Variants in MCF2L2 observed in about 807,000 individuals in gnomAD.
The protein encoded by MCF2L2 is MCF.2 cell line derived transforming sequence-like 2, also known as probable guanine nucleotide exchange factor MCF2L2.
A neutral mutation model predicts 150.2 loss-of-function variants in MCF2L2; 102 were observed. The observed-to-expected ratio is 0.68, with a 90% CI of 0.58 to 0.80. The LOEUF (loss-of-function observed/expected upper bound fraction) is 0.80, where lower values mean the gene tolerates loss of function less well. Ranked by LOEUF, MCF2L2 falls within the 30% of genes least tolerant of loss-of-function variation. MCF2L2 has a pLI of 0.00. For synonymous variants in MCF2L2, 465 were observed against 491.3 expected (o/e 0.95, Z 0.71); for missense variants, 1,256 against 1,372.8 (o/e 0.91, Z 1.34).
intron 27 of MCF2L2, 199 bp from the exon 28 acceptor site, chr3:183,180,358 G>C (rs1385167430): frequency 1.9e-6 from 1 of 518,638 alleles, no homozygotes; most frequent in Non-Finnish European, 3.4e-6. Flanking sequence ...CCGAGATGCC[G>C]TAATTCACCG....
chr3:183,266,491 T>TC (rs1726133369), intron 15 of MCF2L2, among the ~76,000 whole-genome samples: 1 of 152,226 alleles, frequency 6.6e-6, no homozygotes, highest in African/African-American at 2.4e-5. Flanking sequence ...TTACCTTGCT[T>TC]TAAGCCTCCA....
At chr3:183,228,031 A>ACACACACACACACACACG (rs1340923192) in intron 18 of MCF2L2, 6 of 415,066 alleles carry the variant, frequency 1.4e-5, no homozygotes, top group Admixed American at 7.6e-5. Context: ...ATACATATAC[A>ACACACACACACACACACG]CACACACACA....
In MCF2L2 at chr3:183,361,016, A is replaced by G. The variant is rs1194748616; in HGVS notation, c.275+18281T>C. 1.3e-3 allele frequency among the ~76,000 whole-genome samples: 190 copies of G among 141,134 alleles called. 11 individuals carry two copies. Among genetic ancestry groups the G allele is most frequent in the East Asian group, 0.012 (57 of 4,572 alleles). The allele number at this position is 141,134 out of a possible 152,430, so 92.6% of individuals were successfully genotyped here. On this transcript the variant is annotated intron_variant, in intron 3 of 29. Coordinates refer to ENST00000328913, the MANE Select transcript of MCF2L2 (RefSeq NM_015078.4). ...AAGAAAAGAAAAGAAAAGAAAAGAA[A>G]AGAAAAGAGAAAAGAAAAGGAAGAA...
Position 183,319,530 on chromosome 3 carries a change from C to T in MCF2L2, c.604-1313G>A, listed in dbSNP as rs575569483. ...TGCAATTTGCTCTACTGACACCCAT[C>T]AGAGGAATCACTATCTATGGCAGGT... On this transcript the variant is annotated intron_variant, in intron 6 of 29. Coordinates refer to ENST00000328913, the MANE Select transcript of MCF2L2 (RefSeq NM_015078.4). 5.4e-5 allele frequency among the ~76,000 whole-genome samples: 8 copies of T among 146,968 alleles called. No homozygotes were observed. The South Asian group carries it at 1.7e-3, about 30-fold the overall frequency.
chr3:183,228,227 T>C, intron 18 of MCF2L2, 70 bp downstream of exon 18: 1 of 1,154,222 alleles, frequency 8.7e-7, no homozygotes, highest in South Asian at 1.3e-5. Context: ...TTTCCATTTG[T>C]CCTTGCCACT....
intron 27 of MCF2L2, among the ~76,000 whole-genome samples, chr3:183,183,773 G>T (rs1721605371): frequency 6.6e-6 from 1 of 152,092 alleles, no homozygotes; most frequent in Non-Finnish European, 1.5e-5. Flanking sequence ...TAAAGAGAGG[G>T]TCTCAAAACA....
chr3:183,330,311 A>T (rs986683862), intron 5 of MCF2L2, among the ~76,000 whole-genome samples: 1 of 151,780 alleles, frequency 6.6e-6, no homozygotes, highest in Non-Finnish European at 1.5e-5. Flanking sequence ...GAAAGGAAAA[A>T]CTTTTTTTAA....
intron 19 of MCF2L2, 148 bp from the exon 20 acceptor site, chr3:183,223,586 T>G: frequency 1.6e-6 from 1 of 627,002 alleles, no homozygotes; most frequent in Non-Finnish European, 2.9e-6. Context: ...TGTGGGGTTG[T>G]TCTTTCCCCT....
At chr3:183,326,040 A>C (rs1730010187) in intron 5 of MCF2L2, among the ~76,000 whole-genome samples, 1 of 152,204 alleles carries the variant, frequency 6.6e-6, no homozygotes, top group Non-Finnish European at 1.5e-5. Context: ...AAAAAAGTTG[A>C]ATGAGTCACA....
At position 183,392,997 on chromosome 3, in the gene MCF2L2, G is replaced by A. The variant is rs1220848692; in HGVS notation, c.77-3218C>T. On this transcript the variant is annotated intron_variant, in intron 1 of 29. Coordinates refer to ENST00000328913, the MANE Select transcript of MCF2L2 (RefSeq NM_015078.4). ...CTGCCACCTTCTAGATAGGTGATCA[G>A]GGCAAGTACACTCTGAGTCTCAGTG... is the stretch of plus-strand genomic sequence containing the variant. Among the ~76,000 whole-genome samples, 4 of 152,136 alleles carry A rather than the reference G, an allele frequency of 2.6e-5. No homozygotes were observed. The East Asian group carries it at 7.7e-4, about 29-fold the overall frequency.
intron 5 of MCF2L2, 37 bp from the exon 6 acceptor site, chr3:183,323,388 T>C (rs1729895049): frequency 2.8e-6 from 3 of 1,069,458 alleles, no homozygotes; most frequent in African/African-American, 3.1e-5. Flanking sequence ...TACTCCTCAT[T>C]GATCATTAAA....
intron 1 of MCF2L2, among the ~76,000 whole-genome samples, chr3:183,403,821 A>C (rs1207341625): frequency 6.6e-6 from 1 of 152,234 alleles, no homozygotes; most frequent in African/African-American, 2.4e-5. Context: ...AAGGAAAGGG[A>C]GTGGAGGTTC....
intron 13 of MCF2L2, among the ~76,000 whole-genome samples, chr3:183,292,556 TACACACACACACACAC>T (rs58788215): frequency 6.9e-6 from 1 of 145,472 alleles, no homozygotes; most frequent in African/African-American, 2.5e-5. Flanking sequence ...AGGGGGTATG[TACACACACACACACAC>T]ACACACACAC....
chr3:183,323,126 G>A, intron 6 of MCF2L2, 109 bp downstream of exon 6: 1 of 700,422 alleles, frequency 1.4e-6, no homozygotes, highest in South Asian at 2.1e-5. Context: ...ACCACCCCAA[G>A]GTCAGGCAGT....
chr3:183,379,159 G>A, intron 3 of MCF2L2, 138 bp downstream of exon 3: 1 of 571,520 alleles, frequency 1.7e-6, no homozygotes, highest in Admixed American at 4.0e-5. Flanking sequence ...ACTGATGGGT[G>A]ACAGAAGCCA....
Position 183,428,217 on chromosome 3 carries a change from G to A in MCF2L2, c.-240C>T. ...TCCCAGCGTCGCAGCTGGACCGAGA[G>A]AGGAGCGGCCGTTCTGCAAAAGGAA... On this transcript the variant is annotated 5_prime_UTR_variant, in exon 1 of 30. Transcript: ENST00000328913. This position sits in a 1 kb window ranked among gnomAD's most constrained non-coding sequence, Gnocchi z 5.1. 3 of 497,198 alleles carry A rather than the reference G, an allele frequency of 6.0e-6. No individual in the cohort carries two copies. The highest frequency in any genetic ancestry group is 1.1e-3 in the Middle Eastern group (2 of 1,872). The allele number at this position is 497,198 out of a possible 1,614,324, so 30.8% of individuals were successfully genotyped here. A position where few individuals can be genotyped will look rare whatever the true frequency, so the allele number is the denominator to read the frequency against.
chr3:183,216,299 C>T (rs929088828), intron 21 of MCF2L2, among the ~76,000 whole-genome samples: 4 of 151,194 alleles, frequency 2.6e-5, no homozygotes, highest in African/African-American at 9.7e-5. Flanking sequence ...GCAAAATCAT[C>T]TACCTCTGTG....
At chr3:183,279,677 G>C (rs1407187059) in intron 14 of MCF2L2, among the ~76,000 whole-genome samples, 5 of 152,162 alleles carry the variant, frequency 3.3e-5, no homozygotes, top group African/African-American at 9.6e-5. Context: ...ATTTTATCCT[G>C]AAGAAAAAGG....
At chr3:183,218,035 A>G (rs1214117035) in intron 21 of MCF2L2, among the ~76,000 whole-genome samples, 1 of 152,152 alleles carries the variant, frequency 6.6e-6, no homozygotes, top group Non-Finnish European at 1.5e-5. Flanking sequence ...TTAACATCTC[A>G]AGTTCTGCAG....
Sources: allele counts gnomAD v4.1 joint callset (sites outside exome capture counted in the v4.1 genomes callset), GRCh38; gene constraint gnomAD v4.1.1; non-coding constraint Gnocchi (gnomAD v3.1); transcripts MANE v1.5; gene names NCBI Gene and HGNC (gene_info 2026-07-23, HGNC 2026-07-21).